Variants in BRD7 observed in about 807,000 individuals in gnomAD.
The protein encoded by BRD7 is bromodomain containing 7.
In BRD7, 15 loss-of-function variants were observed where a neutral mutation model predicts 82.1. That is an observed-to-expected ratio of 0.18 (90% CI 0.12 to 0.28). BRD7 has a LOEUF of 0.28. Among genes scored for constraint, BRD7 ranks in the 10% least tolerant of loss-of-function variants. The pLI is 1.00. For synonymous variants in BRD7, 232 were observed against 266.9 expected (o/e 0.87, Z 1.27); for missense variants, 638 against 779.9 (o/e 0.82, Z 2.17).
At chr16:50,365,543 C>T (rs1380702627) in intron 2 of BRD7, among the ~76,000 whole-genome samples, 1 of 151,944 alleles carries the variant, frequency 6.6e-6, no homozygotes, top group African/African-American at 2.4e-5. Context: ...AGAGACAGGG[C>T]AGGGAGCAAA....
chr16:50,328,839 G>T, intron 8 of BRD7, 95 bp from the exon 9 acceptor site: 1 of 1,112,844 alleles, frequency 9.0e-7, no homozygotes, highest in Non-Finnish European at 1.3e-6. Flanking sequence ...GAGTGTTGTG[G>T]ATTGCAGATT....
At position 50,341,636 on chromosome 16, in the gene BRD7, C is replaced by T. The variant is rs530527576; in HGVS notation, c.592-1550G>A. 8.1e-3 allele frequency among the ~76,000 whole-genome samples: 792 copies of T among 97,386 alleles called. 3 individuals carry two copies. The highest frequency in any genetic ancestry group is 0.011 in the Non-Finnish European group (580 of 52,744). The allele number at this position is 97,386 out of a possible 152,430, so 63.9% of individuals were successfully genotyped here. On this transcript the variant is annotated intron_variant, in intron 5 of 16. Coordinates refer to ENST00000394688, the MANE Select transcript of BRD7 (RefSeq NM_013263.5). Reference sequence around the variant, plus strand: ...CCAGCCTGAGCAACAGAGTGAGACTCGGTCTCAAAAAAAAAAAAAAAAAAT... The same window carrying T: ...CCAGCCTGAGCAACAGAGTGAGACTTGGTCTCAAAAAAAAAAAAAAAAAAT...
At chr16:50,341,468 C>T (rs1259697093) in intron 5 of BRD7, among the ~76,000 whole-genome samples, 1 of 151,562 alleles carries the variant, frequency 6.6e-6, no homozygotes, top group Non-Finnish European at 1.5e-5. Flanking sequence ...TGGTGAAACC[C>T]CGTCTCTACT....
At chr16:50,342,695 A>T (rs911784347) in intron 5 of BRD7, among the ~76,000 whole-genome samples, 1 of 152,078 alleles carries the variant, frequency 6.6e-6, no homozygotes, top group Non-Finnish European at 1.5e-5. Flanking sequence ...TGCTGGGATT[A>T]CAGGTGTAAG....
chr16:50,328,829 G>C, intron 8 of BRD7, 85 bp from the exon 9 acceptor site: 1 of 1,244,560 alleles, frequency 8.0e-7, no homozygotes, highest in Non-Finnish European at 1.2e-6. Flanking sequence ...CTTGATACCA[G>C]AGTGTTGTGG....
intron 8 of BRD7, among the ~76,000 whole-genome samples, chr16:50,330,151 T>C (rs1038233580): frequency 6.6e-5 from 10 of 152,214 alleles, no homozygotes; most frequent in African/African-American, 9.7e-5. Context: ...CTTTTCTGTA[T>C]TGTATTACCT....
At chr16:50,325,195 C>A (rs978019457) in intron 11 of BRD7, among the ~76,000 whole-genome samples, 4 of 152,144 alleles carry the variant, frequency 2.6e-5, no homozygotes, top group Admixed American at 2.6e-4. Context: ...TTGATGGGAT[C>A]CAAACTGCTC....
intron 2 of BRD7, among the ~76,000 whole-genome samples, chr16:50,362,740 TCA>T (rs943331181): frequency 6.6e-6 from 1 of 152,260 alleles, no homozygotes; most frequent in East Asian, 1.9e-4. Flanking sequence ...GCAGTCAAAT[TCA>T]CAGAGACAGA....
chr16:50,350,541 G>GT (rs2038475743), intron 4 of BRD7, among the ~76,000 whole-genome samples: 1 of 152,186 alleles, frequency 6.6e-6, no homozygotes, highest in Non-Finnish European at 1.5e-5. Context: ...GGCTAAAATA[G>GT]TAACTATGAA....
At chr16:50,320,848 A>G in intron 13 of BRD7, 74 bp from the exon 14 acceptor site, 1 of 1,002,986 alleles carries the variant, frequency 1.0e-6, no homozygotes, top group Non-Finnish European at 1.6e-6. Flanking sequence ...AATTACTCAG[A>G]TGGCATGTAT....
At chr16:50,325,644 A>ATT (rs201358369) in intron 11 of BRD7, 104 bp downstream of exon 11, 2 of 1,089,486 alleles carry the variant, frequency 1.8e-6, no homozygotes, top group Admixed American at 3.3e-5. Context: ...TACTGAGCAC[A>ATT]TTTTTTTTTA....
At chr16:50,354,594 T>C in intron 3 of BRD7, 112 bp from the exon 4 acceptor site, 4 of 1,198,488 alleles carry the variant, frequency 3.3e-6, no homozygotes, top group Non-Finnish European at 4.7e-6. Context: ...AGAAATTCCA[T>C]TTATCTTAAA....
chr16:50,326,212 ATAATCG>A (rs2037330548), intron 10 of BRD7, 66 bp downstream of exon 10: 5 of 1,240,232 alleles, frequency 4.0e-6, no homozygotes, highest in African/African-American at 1.5e-5. Context: ...TGAATAAAGC[ATAATCG>A]TGCTTCCTTT....
At chr16:50,339,463 T>C (rs1236237251) in intron 6 of BRD7, among the ~76,000 whole-genome samples, 1 of 152,228 alleles carries the variant, frequency 6.6e-6, no homozygotes, top group African/African-American at 2.4e-5. Context: ...CAATGCTAAG[T>C]ATGTGTGCAT....
chr16:50,341,219 C>T (rs1259746002), intron 5 of BRD7, among the ~76,000 whole-genome samples: 3 of 146,244 alleles, frequency 2.1e-5, no homozygotes, highest in African/African-American at 7.8e-5. Context: ...CACACACACA[C>T]AGCTGAACAC....
chr16:50,321,134 G>A (rs992443565), intron 13 of BRD7, among the ~76,000 whole-genome samples: 5 of 152,124 alleles, frequency 3.3e-5, no homozygotes, highest in African/African-American at 1.2e-4. Flanking sequence ...TTGTGTTTTC[G>A]AGATTCAAAG....
chr16:50,325,782 A>G lies in BRD7; in HGVS notation c.1297T>C (p.Tyr433His), dbSNP rs1468037293. 1.2e-6 allele frequency: 2 copies of G among 1,608,502 alleles called. No homozygotes were observed. Among genetic ancestry groups the G allele is most frequent in the East Asian group, 4.5e-5 (2 of 44,754 alleles). ...CTTGGAAGATCAGAGTCTTCCCCAT[A>G]GGTTGAATAGATTAAATCAGAATCA... is the stretch of plus-strand genomic sequence containing the variant. ...KDDSDLIYST[Y>H]GEDSDLPSDF... The change falls in exon 11 of 17, where the codon TAT (tyrosine) becomes CAT (histidine). Residue 433 changes from tyrosine to histidine, a missense_variant. Transcript: ENST00000394688.
intron 14 of BRD7, 90 bp downstream of exon 14, chr16:50,320,573 A>T (rs1301201213): frequency 9.5e-6 from 13 of 1,368,230 alleles, no homozygotes; most frequent in Non-Finnish European, 1.4e-5. Flanking sequence ...TCCTGTGGTG[A>T]ATGGCTATGT....
chr16:50,333,516 A>G (rs563608448), intron 8 of BRD7, 58 bp downstream of exon 8: 11 of 1,584,626 alleles, frequency 6.9e-6, no homozygotes, highest in Admixed American at 5.7e-5. Flanking sequence ...TTAAAAACTA[A>G]AAGTTTCAGA....
Sources: allele counts gnomAD v4.1 joint callset (sites outside exome capture counted in the v4.1 genomes callset), GRCh38; gene constraint gnomAD v4.1.1; transcripts MANE v1.5; gene names NCBI Gene and HGNC (gene_info 2026-07-23, HGNC 2026-07-21).